The following HPGDS variants were observed in gnomAD, a reference collection of about 807,000 sequenced individuals.
HPGDS encodes GST class-sigma.
A neutral mutation model predicts 23.1 loss-of-function variants in HPGDS; 26 were observed. That is an observed-to-expected ratio of 1.13 (90% CI 0.83 to 1.56). The LOEUF is 1.56. HPGDS is among the 40% of genes most tolerant of loss of function. The pLI, the probability that HPGDS is intolerant of heterozygous loss-of-function variation, is 0.00. For synonymous variants in HPGDS, 95 were observed against 77.9 expected (o/e 1.22, Z -1.16); for missense variants, 268 against 236.4 (o/e 1.13, Z -0.88).
chr4:94,330,211 G>A (rs1756711362), intron 2 of HPGDS, among the ~76,000 whole-genome samples: 1 of 152,188 alleles, frequency 6.6e-6, no homozygotes, highest in Admixed American at 6.5e-5. Flanking sequence ...AATCACAGAT[G>A]GTCCAGGGAA....
At chr4:94,309,175 G>A (rs1276148685) in intron 3 of HPGDS, among the ~76,000 whole-genome samples, 18 of 149,068 alleles carry the variant, frequency 1.2e-4, no homozygotes, top group Admixed American at 1.1e-3. Flanking sequence ...CAACATTCAG[G>A]TTTGTTACAT....
At chr4:94,310,961 A>G (rs377221233) in intron 3 of HPGDS, among the ~76,000 whole-genome samples, 2 of 151,632 alleles carry the variant, frequency 1.3e-5, no homozygotes, top group Admixed American at 6.6e-5. Flanking sequence ...GTATAAGAAT[A>G]CTTGTGATTT....
chr4:94,328,824 G>A (rs1325466027), intron 2 of HPGDS, among the ~76,000 whole-genome samples: 1 of 152,144 alleles, frequency 6.6e-6, no homozygotes, highest in Non-Finnish European at 1.5e-5. Context: ...TTAAAAGAGA[G>A]AAAATAATAA....
chr4:94,305,761 G>A (rs1178523788), intron 4 of HPGDS, among the ~76,000 whole-genome samples: 1 of 151,992 alleles, frequency 6.6e-6, no homozygotes, highest in African/African-American at 2.4e-5. Context: ...TGAAACTCTT[G>A]TTTTCTTACT....
rs201837103 is a variant in HPGDS, at chr4:94,340,260, C to CCTTTCTTTCTTT, written c.-10+2523_-10+2534dup. 5.5e-3 allele frequency among the ~76,000 whole-genome samples: 449 copies of CCTTTCTTTCTTT among 81,502 alleles called. 26 individuals are homozygous for CCTTTCTTTCTTT. The highest frequency in any genetic ancestry group is 0.013 in the East Asian group (24 of 1,860). 53.5% of individuals were successfully genotyped at this position (81,502 alleles called of 152,430 possible). A position where few individuals can be genotyped will look rare whatever the true frequency, so the allele number is the denominator to read the frequency against. On this transcript the variant is annotated intron_variant, in intron 1 of 5. Coordinates refer to ENST00000295256, the MANE Select transcript of HPGDS (RefSeq NM_014485.3). ...TGTGAGCCACTGTGCCTGGTCTAAA[C>CCTTTCTTTCTTT]CTTTCTTTCTTTCTTTCTTTCTTTC...
chr4:94,316,462 T>TATTAATACAGAGAAATACAAATACAA (rs34584729), intron 3 of HPGDS, among the ~76,000 whole-genome samples: 4 of 151,714 alleles, frequency 2.6e-5, no homozygotes, highest in Admixed American at 2.0e-4. Flanking sequence ...TTCCCTGCAG[T>TATTAATACAGAGAAATACAAATACAA]AGCCACAAAT....
At chr4:94,318,894 G>C (rs1756449121) in intron 2 of HPGDS, among the ~76,000 whole-genome samples, 1 of 152,100 alleles carries the variant, frequency 6.6e-6, no homozygotes, top group Non-Finnish European at 1.5e-5. Flanking sequence ...TGTATTTTTA[G>C]TAGAGATGGG....
intron 2 of HPGDS, among the ~76,000 whole-genome samples, chr4:94,318,703 T>C (rs1315058826): frequency 6.6e-6 from 1 of 152,128 alleles, no homozygotes; most frequent in Non-Finnish European, 1.5e-5. Flanking sequence ...GTGCAGTCTG[T>C]AGCTTATGGA....
chr4:94,316,255 G>A (rs1380398835), intron 3 of HPGDS, among the ~76,000 whole-genome samples: 36 of 152,182 alleles, frequency 2.4e-4, no homozygotes, highest in Non-Finnish European at 2.9e-5. Flanking sequence ...GGAAGAAAAG[G>A]AGGAAGTAGC....
intron 2 of HPGDS, among the ~76,000 whole-genome samples, chr4:94,318,364 T>G (rs1756437301): frequency 6.6e-6 from 1 of 152,212 alleles, no homozygotes; most frequent in Non-Finnish European, 1.5e-5. Flanking sequence ...TGGTAAGAAC[T>G]TAGCCATAGC....
At chr4:94,341,118 G>A (rs1385106044) in intron 1 of HPGDS, among the ~76,000 whole-genome samples, 2 of 150,504 alleles carry the variant, frequency 1.3e-5, no homozygotes, top group Admixed American at 6.6e-5. Flanking sequence ...ATTACAGGCT[G>A]AGCCACCTCG....
intron 1 of HPGDS, among the ~76,000 whole-genome samples, chr4:94,336,903 G>A (rs1157604117): frequency 6.6e-6 from 1 of 152,096 alleles, no homozygotes; most frequent in African/African-American, 2.4e-5. Context: ...AAAGCCTACA[G>A]AGTGGAAAAA....
At chr4:94,304,799 C>A (rs1756110103) in intron 4 of HPGDS, among the ~76,000 whole-genome samples, 1 of 152,100 alleles carries the variant, frequency 6.6e-6, no homozygotes, top group South Asian at 2.1e-4. Context: ...TATTCTAATA[C>A]AAAGGTAGAG....
intron 1 of HPGDS, among the ~76,000 whole-genome samples, chr4:94,341,255 A>G (rs1198413747): frequency 2.0e-5 from 3 of 151,446 alleles, no homozygotes; most frequent in Non-Finnish European, 2.9e-5. Context: ...AGGCAATTTT[A>G]ACATAATCAT....
chr4:94,303,867 A>G (rs1756091752), intron 4 of HPGDS: 1 of 152,154 alleles, frequency 6.6e-6, no homozygotes, highest in Non-Finnish European at 1.5e-5. Context: ...TATCTGTGCT[A>G]CTGACTTCTC....
intron 3 of HPGDS, among the ~76,000 whole-genome samples, chr4:94,311,886 A>G (rs1319136580): frequency 6.6e-6 from 1 of 151,370 alleles, no homozygotes; most frequent in Non-Finnish European, 1.5e-5. Flanking sequence ...TGTGTCGAGG[A>G]ATGTATCCAT....
chr4:94,320,750 G>T (rs912367669), intron 2 of HPGDS, among the ~76,000 whole-genome samples: 2 of 152,180 alleles, frequency 1.3e-5, no homozygotes, highest in African/African-American at 4.8e-5. Context: ...TTACTGTGCA[G>T]AAGCTCCTTA....
At chr4:94,330,043 T>C (rs1173875945) in intron 2 of HPGDS, among the ~76,000 whole-genome samples, 1 of 152,206 alleles carries the variant, frequency 6.6e-6, no homozygotes, top group African/African-American at 2.4e-5. Flanking sequence ...GTGTTCTCCA[T>C]AGGTATCACA....
At chr4:94,311,306 G>A (rs549890312) in intron 3 of HPGDS, among the ~76,000 whole-genome samples, 6 of 151,376 alleles carry the variant, frequency 4.0e-5, no homozygotes, top group East Asian at 1.9e-4. Flanking sequence ...TTTGAGATAC[G>A]TCCCATCTAT....
Sources: allele counts gnomAD v4.1 joint callset (sites outside exome capture counted in the v4.1 genomes callset), GRCh38; gene constraint gnomAD v4.1.1; transcripts MANE v1.5; gene names NCBI Gene and HGNC (gene_info 2026-07-23, HGNC 2026-07-21).